Variants in MMP7 observed in about 807,000 individuals in gnomAD.
MMP7 encodes matrix metallopeptidase 7, also known as matrilysin.
A neutral mutation model predicts 31.5 loss-of-function variants in MMP7; 26 were observed. The observed-to-expected ratio is 0.83, with a 90% CI of 0.61 to 1.15. The LOEUF (loss-of-function observed/expected upper bound fraction) is 1.15. Ranked by LOEUF, MMP7 falls within the 50% of genes most tolerant of loss-of-function variation. The probability of loss-of-function intolerance (pLI) is 0.00; values close to 1 mark genes in which losing one functional copy is unlikely to be tolerated. For synonymous variants in MMP7, 142 were observed against 124.2 expected, an observed-to-expected ratio of 1.14 and a Z score of -0.95; for missense variants, 367 against 326.5, an observed-to-expected ratio of 1.12 and a Z score of -0.96.
chr11:102,528,096 A>G (rs1262586059), intron 1 of MMP7, 113 bp from the exon 2 acceptor site: 3 of 763,510 alleles, frequency 3.9e-6, no homozygotes, highest in African/African-American at 3.5e-5. Flanking sequence ...TGATTTGAAG[A>G]CAGAATAATT....
chr11:102,530,143 A>G (rs922255436), intron 1 of MMP7, among the ~76,000 whole-genome samples: 5 of 152,252 alleles, frequency 3.3e-5, no homozygotes, highest in Admixed American at 3.3e-4. Flanking sequence ...TAAATACACA[A>G]ACAGTATATT....
intron 4 of MMP7, 40 bp downstream of exon 4, chr11:102,524,896 T>C (rs1265000633): frequency 3.8e-6 from 6 of 1,586,014 alleles, no homozygotes; most frequent in Non-Finnish European, 5.1e-6. Context: ...TCCAGGATTT[T>C]AAAACGGATG....
intron 5 of MMP7, among the ~76,000 whole-genome samples, chr11:102,522,908 G>T (rs17878371): frequency 6.6e-6 from 1 of 152,196 alleles, no homozygotes; most frequent in Non-Finnish European, 1.5e-5. Context: ...TGTCCCTTCA[G>T]TCCACCCCTA....
rs1858691744 is a variant in MMP7, at chr11:102,527,879, A to G, written c.213T>C (p.Thr71=). Residue 71 remains threonine, a synonymous_variant, in exon 2 of 6, where the codon ACT becomes ACC. Coordinates refer to ENST00000260227, the MANE Select transcript of MMP7 (RefSeq NM_002423.5). Reference sequence around the variant, plus strand: ...CTATGACGCGGGAGTTTAACATTCCAGTTATAGGTAGGCCAAAGAATTTTT... The same window carrying G: ...CTATGACGCGGGAGTTTAACATTCCGGTTATAGGTAGGCCAAAGAATTTTT... ...EMQKFFGLPI[T]GMLNSRVIEI... 5.6e-6 allele frequency: 9 copies of G among 1,614,136 alleles called. No individual in the cohort carries two copies. Among genetic ancestry groups the G allele is most frequent in the Non-Finnish European group, 7.6e-6 (9 of 1,180,010 alleles).
At chr11:102,522,961 G>C (rs1858629643) in intron 5 of MMP7, among the ~76,000 whole-genome samples, 1 of 152,202 alleles carries the variant, frequency 6.6e-6, no homozygotes, top group African/African-American at 2.4e-5. Context: ...GAGAGGAAGA[G>C]CAGTGGGTGG....
At chr11:102,522,068 C>T (rs1473382790) in intron 5 of MMP7, among the ~76,000 whole-genome samples, 1 of 152,178 alleles carries the variant, frequency 6.6e-6, no homozygotes, top group Non-Finnish European at 1.5e-5. Flanking sequence ...GTTCAATACT[C>T]CATACTCTCT....
chr11:102,528,878 T>A (rs996043086), intron 1 of MMP7, among the ~76,000 whole-genome samples: 1 of 152,226 alleles, frequency 6.6e-6, no homozygotes, highest in Non-Finnish European at 1.5e-5. Flanking sequence ...GGCACTTACA[T>A]ATTTATTTTA....
chr11:102,527,807 G>A lies in MMP7; in HGVS notation c.285C>T (p.Tyr95=), dbSNP rs17879235. The change falls in exon 2 of 6, where the codon TAC becomes TAT. Residue 95 remains tyrosine (Y), a synonymous_variant. Transcript: ENST00000260227. ...PRCGVPDVAE[Y]SLFPNSPKWT... is the part of the protein sequence containing the mutation. ...ATTTTGGGCTATTTGGAAATAGTGA[G>A]TATTCTGCAACATCTGGCACTCCAC... 1.9e-4 allele frequency: 303 copies of A among 1,614,154 alleles called. 1 individual carries two copies. In the African/African-American group the frequency reaches 3.6e-3, roughly 19 times the overall value.
chr11:102,528,467 A>G (rs1020749852), intron 1 of MMP7, among the ~76,000 whole-genome samples: 2 of 152,230 alleles, frequency 1.3e-5, no homozygotes, highest in Non-Finnish European at 2.9e-5. Flanking sequence ...AGATATTAGG[A>G]AATTATTAAA....
intron 3 of MMP7, among the ~76,000 whole-genome samples, chr11:102,526,064 T>C (rs926140078): frequency 1.3e-5 from 2 of 151,696 alleles, no homozygotes; most frequent in South Asian, 2.1e-4. Flanking sequence ...CAGACTGAAA[T>C]GGGCAACATT....
Position 102,527,956 on chromosome 11 carries a change from C to A in MMP7, c.136G>T (p.Asp46Tyr), listed in dbSNP as rs774459365. Residue 46 changes from aspartate to tyrosine, a missense_variant, in exon 2 of 6, where the codon GAC (aspartate) becomes TAC (tyrosine). Asp to Tyr is a radical substitution (Grantham distance 160). Coordinates refer to ENST00000260227, the MANE Select transcript of MMP7 (RefSeq NM_002423.5). The part of the protein sequence containing the change: ...QDYLKRFYLY[D>Y]SETKNANSLE... ...CTGTTGGCATTTTTTGTTTCTGAGTCATAGAGATAAAATCTCTTGAGATAG... is the reference window on the plus strand; with the variant it reads ...CTGTTGGCATTTTTTGTTTCTGAGTAATAGAGATAAAATCTCTTGAGATAG... The A allele has an allele frequency of 2.5e-6, 4 of 1,613,724 alleles. No homozygotes were observed. The highest frequency in any genetic ancestry group is 1.7e-6 in the Non-Finnish European group (2 of 1,179,898).
chr11:102,523,089 T>C (rs1858630795), intron 5 of MMP7, 151 bp downstream of exon 5: 1 of 532,986 alleles, frequency 1.9e-6, no homozygotes, highest in Non-Finnish European at 3.3e-6. Flanking sequence ...ATTTTAAGTA[T>C]CTAAGGTCCC....
chr11:102,530,504 C>T lies in MMP7; in HGVS notation c.108+89G>A, dbSNP rs949892296. 5 of 1,062,904 alleles carry T rather than the reference C, an allele frequency of 4.7e-6. No homozygotes were observed. The African/African-American group carries it at 6.3e-5, about 13-fold the overall frequency. The allele number at this position is 1,062,904 out of a possible 1,614,324, so 65.8% of individuals were successfully genotyped here. ...CCCCAAAGAAAATTCCACTGCAATG[C>T]TAACATGGGAAGGGAAATAATTGAA... is the stretch of plus-strand genomic sequence containing the variant. On this transcript the variant is annotated intron_variant, in intron 1 of 5. Transcript: ENST00000260227.
chr11:102,525,087 T>A (rs376976564), intron 3 of MMP7, 23 bp from the exon 4 acceptor site: 3 of 1,578,430 alleles, frequency 1.9e-6, no homozygotes, highest in Admixed American at 2.0e-5. Context: ...GGAGTGATTG[T>A]TCTTAGTGAC....
intron 4 of MMP7, among the ~76,000 whole-genome samples, chr11:102,523,631 A>G: frequency 6.6e-6 from 1 of 152,116 alleles, no homozygotes; most frequent in East Asian, 1.9e-4. Context: ...AAAAATGTGT[A>G]ATTTTTTTTA....
Position 102,527,805 on chromosome 11 carries a change from G to A in MMP7, c.287C>T (p.Ser96Leu). 1 of 1,614,156 alleles carries A rather than the reference G, an allele frequency of 6.2e-7. No homozygotes were observed. Residue 96 changes from serine to leucine, a missense_variant, in exon 2 of 6, where the codon TCA (serine) becomes TTA (leucine). Coordinates refer to ENST00000260227, the MANE Select transcript of MMP7 (RefSeq NM_002423.5). ...RCGVPDVAEY[S>L]LFPNSPKWTS... The stretch of plus-strand genomic sequence containing the variant: ...CCATTTTGGGCTATTTGGAAATAGT[G>A]AGTATTCTGCAACATCTGGCACTCC...
Position 102,527,932 on chromosome 11 carries a change from T to C in MMP7, c.160A>G (p.Ser54Gly). 1.2e-6 allele frequency: 2 copies of C among 1,614,112 alleles called. No individual in the cohort carries two copies. The highest frequency in any genetic ancestry group is 2.2e-5 in the South Asian group (2 of 91,070). ...LYDSETKNAN[S>G]LEAKLKEMQK... ...ATCTCCTTGAGTTTGGCTTCTAAAC[T>C]GTTGGCATTTTTTGTTTCTGAGTCA... Residue 54 changes from serine to glycine, a missense_variant, in exon 2 of 6, where the codon AGT becomes GGT. By Grantham distance (56) the Ser-to-Gly change is moderately conservative. Coordinates refer to ENST00000260227, the MANE Select transcript of MMP7 (RefSeq NM_002423.5).
intron 2 of MMP7, 33 bp downstream of exon 2, chr11:102,527,723 TG>T: frequency 1.2e-6 from 2 of 1,613,702 alleles, no homozygotes; most frequent in East Asian, 4.5e-5. Flanking sequence ...CAGGCTTTAT[TG>T]TTTTTGCCAA....
chr11:102,526,730 AATG>A (rs17878576), intron 3 of MMP7, among the ~76,000 whole-genome samples: 21 of 152,230 alleles, frequency 1.4e-4, no homozygotes, highest in African/African-American at 4.8e-4. Context: ...TGTGCTACAT[AATG>A]ATCTTTCAGT....
Sources: allele counts gnomAD v4.1 joint callset (sites outside exome capture counted in the v4.1 genomes callset), GRCh38; gene constraint gnomAD v4.1.1; transcripts MANE v1.5; gene names NCBI Gene and HGNC (gene_info 2026-07-23, HGNC 2026-07-21).